CDC37L1: variants seen among roughly 807,000 people sequenced by gnomAD.
The protein encoded by CDC37L1 is hsp90 co-chaperone Cdc37-like 1.
A neutral mutation model predicts 45.9 loss-of-function variants in CDC37L1; 32 were observed. The ratio of observed to expected loss-of-function variants is 0.70; its 90% CI spans 0.53 to 0.94. The LOEUF is 0.94. Among genes scored for constraint, CDC37L1 ranks in the 40% least tolerant of loss-of-function variants. The pLI, the probability that CDC37L1 is intolerant of heterozygous loss-of-function variation, is 0.00. For missense variants in CDC37L1, 434 were observed against 405.7 expected (o/e 1.07, Z -0.60); for synonymous variants, 150 against 133.0 (o/e 1.13, Z -0.88).
At chr9:4,695,213 C>T (rs963301693) in intron 3 of CDC37L1, among the ~76,000 whole-genome samples, 3 of 152,114 alleles carry the variant, frequency 2.0e-5, no homozygotes. Flanking sequence ...GAGATATGGT[C>T]TTGCTCTGTC....
At chr9:4,688,189 G>A (rs1032983442) in intron 2 of CDC37L1, among the ~76,000 whole-genome samples, 4 of 152,074 alleles carry the variant, frequency 2.6e-5, no homozygotes, top group African/African-American at 9.7e-5. Context: ...TAGTAGAGAC[G>A]GGGTTTCACT....
chr9:4,701,576 C>T (rs369078735), intron 5 of CDC37L1, among the ~76,000 whole-genome samples: 6 of 141,702 alleles, frequency 4.2e-5, no homozygotes, highest in African/African-American at 1.9e-4. Context: ...AAGGAAAATA[C>T]AGAGAAAGCC....
At position 4,707,451 on chromosome 9, in the gene CDC37L1, A is replaced by C. The variant is rs899958207; in HGVS notation, c.*1339A>C. ...TACGTGTCTCAACTTGAGAAACCAA[A>C]TAGTGCGAAGGGACTCAGGGTGGCC... On this transcript the variant is annotated 3_prime_UTR_variant, in exon 7 of 7. Transcript: ENST00000381854. 2.6e-5 allele frequency: 4 copies of C among 152,212 alleles called. No individual in the cohort carries two copies. Among genetic ancestry groups the C allele is most frequent in the African/African-American group, 9.7e-5 (4 of 41,436 alleles). The allele number at this position is 152,212 out of a possible 1,614,324, so 9.4% of individuals were successfully genotyped here.
At chr9:4,680,262 G>C (rs1841178077) in intron 1 of CDC37L1, among the ~76,000 whole-genome samples, 1 of 152,172 alleles carries the variant, frequency 6.6e-6, no homozygotes, top group Non-Finnish European at 1.5e-5. Context: ...TTTTCCCCAA[G>C]CACTTTATTC....
At chr9:4,685,260 G>C (rs980152779) in intron 2 of CDC37L1, 102 bp downstream of exon 2, 6 of 912,476 alleles carry the variant, frequency 6.6e-6, no homozygotes, top group Non-Finnish European at 1.0e-5. Context: ...CCCATAAACA[G>C]TGTTCAATTT....
At chr9:4,695,907 C>G (rs1012266204) in intron 3 of CDC37L1, among the ~76,000 whole-genome samples, 1 of 152,156 alleles carries the variant, frequency 6.6e-6, no homozygotes, top group East Asian at 1.9e-4. Context: ...TCTTGTGCCT[C>G]AGCCTTCCAA....
intron 3 of CDC37L1, among the ~76,000 whole-genome samples, chr9:4,694,463 A>G (rs1841328561): frequency 1.3e-5 from 2 of 152,248 alleles, no homozygotes; most frequent in Non-Finnish European, 2.9e-5. Flanking sequence ...TCAATTTCAT[A>G]CTAATTCAAT....
intron 1 of CDC37L1, among the ~76,000 whole-genome samples, chr9:4,680,147 T>G (rs1185167685): frequency 6.6e-6 from 1 of 152,204 alleles, no homozygotes; most frequent in African/African-American, 2.4e-5. Context: ...CTTGGCTGAT[T>G]CCTGTTCACT....
Position 4,707,731 on chromosome 9 carries a change from T to A in CDC37L1, c.*1619T>A, listed in dbSNP as rs1327207799. The A allele has an allele frequency of 6.6e-6, 1 of 152,200 alleles. No individual in the cohort carries two copies. The highest frequency in any genetic ancestry group is 1.5e-5 in the Non-Finnish European group (1 of 68,046). The allele number at this position is 152,200 out of a possible 1,614,324, so 9.4% of individuals were successfully genotyped here. On this transcript the variant is annotated 3_prime_UTR_variant, in exon 7 of 7. Coordinates refer to ENST00000381854, the MANE Select transcript of CDC37L1 (RefSeq NM_017913.4). The stretch of plus-strand genomic sequence containing the variant: ...CCCATGACCTAGTCGTAGACATTTT[T>A]TTCTTTTTGTTCTGTTCTGAAGCAA...
intron 1 of CDC37L1, among the ~76,000 whole-genome samples, chr9:4,680,261 A>C (rs971057439): frequency 6.6e-6 from 1 of 152,198 alleles, no homozygotes; most frequent in Non-Finnish European, 1.5e-5. Flanking sequence ...GTTTTCCCCA[A>C]GCACTTTATT....
chr9:4,703,700 T>C (rs1841419795), intron 6 of CDC37L1, among the ~76,000 whole-genome samples: 1 of 152,226 alleles, frequency 6.6e-6, no homozygotes, highest in African/African-American at 2.4e-5. Flanking sequence ...ATACACATTA[T>C]AGTATCTTAA....
chr9:4,704,135 C>G (rs1355240206), intron 6 of CDC37L1, among the ~76,000 whole-genome samples: 1 of 152,120 alleles, frequency 6.6e-6, no homozygotes, highest in African/African-American at 2.4e-5. Context: ...TAATAACATC[C>G]CATTTTTATA....
intron 3 of CDC37L1, among the ~76,000 whole-genome samples, chr9:4,688,997 A>G (rs1180751311): frequency 1.3e-5 from 2 of 152,090 alleles, no homozygotes; most frequent in Admixed American, 6.6e-5. Flanking sequence ...ATGATGCTTT[A>G]TAATTCAGGC....
intron 3 of CDC37L1, among the ~76,000 whole-genome samples, chr9:4,693,971 A>G (rs1413585164): frequency 6.6e-6 from 1 of 152,240 alleles, no homozygotes; most frequent in Non-Finnish European, 1.5e-5. Context: ...CTGTCTTCTC[A>G]GCCGCTGTCT....
chr9:4,700,016 A>G (rs935853119), intron 5 of CDC37L1, among the ~76,000 whole-genome samples: 3 of 152,172 alleles, frequency 2.0e-5, no homozygotes, highest in African/African-American at 7.2e-5. Context: ...AAAACTCTCA[A>G]TGTGGCAGTA....
chr9:4,684,478 T>C (rs1304692561), intron 1 of CDC37L1, among the ~76,000 whole-genome samples: 2 of 152,192 alleles, frequency 1.3e-5, no homozygotes, highest in African/African-American at 4.8e-5. Flanking sequence ...TAGTGAAGAA[T>C]TTGGAGAACA....
chr9:4,680,363 C>T (rs775199505), intron 1 of CDC37L1, among the ~76,000 whole-genome samples: 11 of 152,238 alleles, frequency 7.2e-5, no homozygotes, highest in Non-Finnish European at 1.2e-4. Flanking sequence ...AAAGATTTCA[C>T]ATGCGATTTT....
intron 6 of CDC37L1, among the ~76,000 whole-genome samples, chr9:4,704,935 G>C (rs754168763): frequency 1.7e-4 from 26 of 152,048 alleles, no homozygotes; most frequent in Non-Finnish European, 3.7e-4. Flanking sequence ...ATAGAGGCAG[G>C]ATTAAAACTG....
At position 4,705,318 on chromosome 9, in the gene CDC37L1, T is replaced by C. The variant is rs566994187; in HGVS notation, c.913-693T>C. Among the ~76,000 whole-genome samples the C allele has an allele frequency of 5.3e-5, 8 of 152,314 alleles. No individual in the cohort carries two copies. In the East Asian group the frequency reaches 1.5e-3, roughly 29 times the overall value. On this transcript the variant is annotated intron_variant, in intron 6 of 6. Coordinates refer to ENST00000381854, the MANE Select transcript of CDC37L1 (RefSeq NM_017913.4). ...CTAAAGTTCTGGGTCTTAAGGGCTA[T>C]ACCCTTATTCATGGTGCTTTAATAA... is the stretch of plus-strand genomic sequence containing the variant.
Sources: gnomAD v4.1 joint callset for allele counts (sites outside exome capture counted in the v4.1 genomes callset) on GRCh38, gnomAD v4.1.1 for gene constraint, MANE v1.5 for transcripts, NCBI Gene and HGNC (gene_info 2026-07-23, HGNC 2026-07-21) for gene names.